ADRA1B: variants seen among roughly 807,000 people sequenced by gnomAD.
The protein encoded by ADRA1B is alpha-1B adrenergic receptor.
Under a neutral mutation model 17.9 loss-of-function variants are expected in ADRA1B, and 17 were observed. The ratio of observed to expected loss-of-function variants is 0.95; its 90% confidence interval spans 0.65 to 1.42. The LOEUF (loss-of-function observed/expected upper bound fraction) is 1.42. Ranked by LOEUF, ADRA1B falls within the 40% of genes most tolerant of loss-of-function variation. The pLI, the probability that ADRA1B is intolerant of heterozygous loss-of-function variation, is 0.00. For missense variants in ADRA1B, 681 were observed against 722.1 expected, an observed-to-expected ratio of 0.94 and a Z score of 0.65; for synonymous variants, 366 against 327.6, an observed-to-expected ratio of 1.12 and a Z score of -1.27.
downstream of ADRA1B, among the ~76,000 whole-genome samples, chr5:159,974,563 G>A (rs1755943127): frequency 6.6e-6 from 1 of 151,708 alleles, no homozygotes; most frequent in Non-Finnish European, 1.5e-5. Context: ...TTGAACCCAG[G>A]GGGCGGAGGT....
chr5:159,872,554 T>C (rs78989266), intron 1 of ADRA1B, among the ~76,000 whole-genome samples: 4,017 of 152,178 alleles, frequency 0.026, 93 homozygotes, highest in Middle Eastern at 0.071. Flanking sequence ...TTGCCTAGAG[T>C]CATGCAACTG....
chr5:159,915,728 C>G (rs1241016716), upstream of ADRA1B, among the ~76,000 whole-genome samples: 1 of 152,192 alleles, frequency 6.6e-6, no homozygotes, highest in Non-Finnish European at 1.5e-5. Context: ...ATCCACCCCA[C>G]AAACACCCCA....
chr5:159,866,706 G>T (rs533630030), intron 1 of ADRA1B, among the ~76,000 whole-genome samples: 5 of 152,222 alleles, frequency 3.3e-5, no homozygotes, highest in African/African-American at 1.2e-4. Context: ...TCTCCCAAAA[G>T]TTAAGTGTTT....
chr5:159,984,714 A>C, the ADRA1B span, among the ~76,000 whole-genome samples: 1 of 150,982 alleles, frequency 6.6e-6, no homozygotes, highest in South Asian at 2.1e-4. Context: ...CCTGGCCAAC[A>C]TGGCGATACC....
At chr5:159,967,596 T>C (rs2113292774) in intron 1 of ADRA1B, among the ~76,000 whole-genome samples, 1 of 152,316 alleles carries the variant, frequency 6.6e-6, no homozygotes, top group Middle Eastern at 3.4e-3. Flanking sequence ...GCTAATTAAC[T>C]CTTCTAAAGC....
intron 1 of ADRA1B, among the ~76,000 whole-genome samples, chr5:159,883,121 C>T (rs1273367216): frequency 6.6e-6 from 1 of 152,154 alleles, no homozygotes; most frequent in Non-Finnish European, 1.5e-5. Context: ...ACTTGTCACT[C>T]AAGCAAGCTC....
chr5:159,934,662 C>T (rs6859033), intron 1 of ADRA1B, among the ~76,000 whole-genome samples: 64,622 of 151,522 alleles, frequency 0.43, 14,117 homozygotes, highest in East Asian at 0.73. Context: ...AAAATTAGCC[C>T]GGTATGGTGG....
intron 1 of ADRA1B, among the ~76,000 whole-genome samples, chr5:159,943,912 T>TCACACACACA (rs70987984): frequency 4.1e-5 from 6 of 147,440 alleles, no homozygotes; most frequent in African/African-American, 1.5e-4. Context: ...TCTGTCTCTC[T>TCACACACACA]CACACACACA....
intron 1 of ADRA1B, among the ~76,000 whole-genome samples, chr5:159,929,786 CCA>C (rs1263404082): frequency 1.3e-5 from 2 of 151,986 alleles, no homozygotes; most frequent in Admixed American, 1.3e-4. Context: ...GTTACCTACC[CCA>C]CATTCACACC....
At chr5:159,951,598 A>G (rs1168273342) in intron 1 of ADRA1B, 3 of 440,014 alleles carry the variant, frequency 6.8e-6, no homozygotes, top group Non-Finnish European at 8.5e-6. Context: ...CACGGTCTGG[A>G]TGGATAGACG....
Position 159,917,448 on chromosome 5 carries a change from C to T in ADRA1B, c.543C>T (p.Leu181=). 6.2e-7 allele frequency: 1 copy of T among 1,614,154 alleles called. No homozygotes were observed. Among genetic ancestry groups the T allele is most frequent in the South Asian group, 1.1e-5 (1 of 91,074 alleles). Residue 181 remains leucine (L), a synonymous_variant, in exon 1 of 2, where the codon CTC becomes CTT. Coordinates refer to ENST00000306675, the MANE Select transcript of ADRA1B (RefSeq NM_000679.4). ...VLSTVISIGP[L]LGWKEPAPND... ...CCACCGTCATCTCCATCGGGCCTCT[C>T]CTTGGGTGGAAGGAGCCGGCACCCA...
chr5:159,972,816 G>T lies in ADRA1B; in HGVS notation c.*324G>T, dbSNP rs1755910026. Among the ~76,000 whole-genome samples the T allele has an allele frequency of 6.6e-6, 1 of 152,160 alleles. No individual in the cohort carries two copies. The highest frequency in any genetic ancestry group is 2.4e-5 in the African/African-American group (1 of 41,454). Reference sequence around the variant, plus strand: ...TGGGTGCACGTGAGTGTGACTGTGCGGTGTGCGTGTGTTCCGCTTGTGTGT... The same window carrying T: ...TGGGTGCACGTGAGTGTGACTGTGCTGTGTGCGTGTGTTCCGCTTGTGTGT... On this transcript the variant is annotated 3_prime_UTR_variant, in exon 2 of 2. Coordinates refer to ENST00000306675, the MANE Select transcript of ADRA1B (RefSeq NM_000679.4).
intron 1 of ADRA1B, among the ~76,000 whole-genome samples, chr5:159,963,956 C>T (rs531182252): frequency 2.0e-5 from 3 of 152,182 alleles, no homozygotes; most frequent in East Asian, 3.9e-4. Flanking sequence ...ATCTGTTCCT[C>T]GATTTATCCC....
At chr5:159,894,854 A>T (rs1166846453) in intron 1 of ADRA1B, among the ~76,000 whole-genome samples, 1 of 152,132 alleles carries the variant, frequency 6.6e-6, no homozygotes, top group Non-Finnish European at 1.5e-5. Context: ...TACTACCATT[A>T]AGAACCTCAT....
the ADRA1B span, among the ~76,000 whole-genome samples, chr5:159,987,691 T>G: frequency 6.6e-6 from 1 of 152,234 alleles, no homozygotes; most frequent in Non-Finnish European, 1.5e-5. Context: ...AGGAATGCTT[T>G]AACCTGGGGT....
At chr5:159,870,252 A>G (rs1753719946) in intron 1 of ADRA1B, 1 of 152,176 alleles carries the variant, frequency 6.6e-6, no homozygotes, top group Admixed American at 6.5e-5. Flanking sequence ...GATTTAGAGG[A>G]GTGGCCTCAC....
chr5:159,935,455 T>C (rs1754927659), intron 1 of ADRA1B, among the ~76,000 whole-genome samples: 1 of 152,172 alleles, frequency 6.6e-6, no homozygotes, highest in Admixed American at 6.5e-5. Flanking sequence ...TACAAATATA[T>C]ATAAAAGGCG....
chr5:159,975,590 C>A (rs1011787997), downstream of ADRA1B, among the ~76,000 whole-genome samples: 1 of 152,252 alleles, frequency 6.6e-6, no homozygotes, highest in Non-Finnish European at 1.5e-5. Context: ...TGATCTCATT[C>A]ATTACTGGTG....
At chr5:159,878,679 G>A (rs1753826843) in intron 1 of ADRA1B, among the ~76,000 whole-genome samples, 1 of 152,138 alleles carries the variant, frequency 6.6e-6, no homozygotes, top group South Asian at 2.1e-4. Flanking sequence ...GGAGAGATTA[G>A]GTGACCTGTG....
Sources: allele counts gnomAD v4.1 joint callset (sites outside exome capture counted in the v4.1 genomes callset), GRCh38; gene constraint gnomAD v4.1.1; transcripts MANE v1.5; gene names NCBI Gene and HGNC (gene_info 2026-07-23, HGNC 2026-07-21).